GALNTL6: variants seen among roughly 807,000 people sequenced by gnomAD.
GALNTL6 encodes the protein polypeptide N-acetylgalactosaminyltransferase like 6, also known as polypeptide N-acetylgalactosaminyltransferase-like 6.
Under a neutral mutation model 73.7 loss-of-function variants are expected in GALNTL6, and 46 were observed. That is an observed-to-expected ratio of 0.62 (90% CI 0.49 to 0.80). The LOEUF is 0.80. GALNTL6 is among the 30% of genes least tolerant of loss of function. The probability of loss-of-function intolerance (pLI) is 0.00; values close to 1 mark genes in which losing one functional copy is unlikely to be tolerated. For synonymous variants in GALNTL6, 259 were observed against 263.7 expected, an observed-to-expected ratio of 0.98 and a Z score of 0.17; for missense variants, 604 against 755.0, an observed-to-expected ratio of 0.80 and a Z score of 2.34.
At chr4:172,376,105 TG>T (rs1743020594) in intron 5 of GALNTL6, among the ~76,000 whole-genome samples, 1 of 152,190 alleles carries the variant, frequency 6.6e-6, no homozygotes, top group South Asian at 2.1e-4. Flanking sequence ...AACAGGGCTT[TG>T]GGCAAAAATT....
chr4:172,411,886 T>C (rs1489347756), intron 5 of GALNTL6, among the ~76,000 whole-genome samples: 2 of 152,034 alleles, frequency 1.3e-5, no homozygotes, highest in East Asian at 3.9e-4. Flanking sequence ...CCTACTTTCA[T>C]GGCGTTTATA....
chr4:172,279,470 A>G (rs890880035), intron 3 of GALNTL6, among the ~76,000 whole-genome samples: 1 of 152,182 alleles, frequency 6.6e-6, no homozygotes, highest in African/African-American at 2.4e-5. Flanking sequence ...TATGTTCTAC[A>G]TCACTAATCA....
In GALNTL6 at chr4:172,872,039, C is replaced by T. The variant is rs377203177; in HGVS notation, c.924-10751C>T. Among the ~76,000 whole-genome samples the T allele has an allele frequency of 2.2e-4, 34 of 152,234 alleles. No homozygotes were observed. In the East Asian group the frequency reaches 2.3e-3, roughly 10 times the overall value. ...AACTCCTGACCTCAGGTGATTCACC[C>T]TCCTCGGCCTCTCAAAGTGCTGGGA... On this transcript the variant is annotated intron_variant, in intron 7 of 12. Coordinates refer to ENST00000506823, the MANE Select transcript of GALNTL6 (RefSeq NM_001034845.3).
chr4:172,746,391 A>G (rs1409131896), intron 5 of GALNTL6, among the ~76,000 whole-genome samples: 1 of 152,116 alleles, frequency 6.6e-6, no homozygotes, highest in Non-Finnish European at 1.5e-5. Flanking sequence ...ATTAGTAACC[A>G]AAGTATGAAA....
intron 5 of GALNTL6, among the ~76,000 whole-genome samples, chr4:172,685,026 A>AT (rs1732837452): frequency 6.6e-6 from 1 of 152,208 alleles, no homozygotes; most frequent in Admixed American, 6.5e-5. Flanking sequence ...CATATTGTAA[A>AT]TACCTACAGC....
At chr4:172,821,968 A>C (rs1741957253) in intron 7 of GALNTL6, among the ~76,000 whole-genome samples, 1 of 152,120 alleles carries the variant, frequency 6.6e-6, no homozygotes, top group Non-Finnish European at 1.5e-5. Context: ...CCCAGTCTCC[A>C]GGGAAATCAC....
chr4:172,664,263 C>G (rs1731540033), intron 5 of GALNTL6, among the ~76,000 whole-genome samples: 1 of 152,176 alleles, frequency 6.6e-6, no homozygotes, highest in Non-Finnish European at 1.5e-5. Context: ...GTCCTTCAAT[C>G]TGGAATGTAT....
At chr4:172,643,030 A>T (rs1383319089) in intron 5 of GALNTL6, among the ~76,000 whole-genome samples, 1 of 151,870 alleles carries the variant, frequency 6.6e-6, no homozygotes, top group Non-Finnish European at 1.5e-5. Context: ...CTTAGAAAAA[A>T]AAATAGATAT....
intron 5 of GALNTL6, among the ~76,000 whole-genome samples, chr4:172,615,853 A>G (rs1300027867): frequency 6.6e-6 from 1 of 152,206 alleles, no homozygotes; most frequent in East Asian, 1.9e-4. Flanking sequence ...AAGGTAAGAC[A>G]ATCAATTTAG....
At chr4:172,003,636 A>G (rs556314727) in intron 2 of GALNTL6, among the ~76,000 whole-genome samples, 1 of 152,274 alleles carries the variant, frequency 6.6e-6, no homozygotes, top group South Asian at 2.1e-4. Context: ...ATGTCAGATA[A>G]TTCTTTAAAA....
At chr4:172,326,150 CA>C (rs2111172250) in intron 4 of GALNTL6, among the ~76,000 whole-genome samples, 1 of 151,718 alleles carries the variant, frequency 6.6e-6, no homozygotes, top group African/African-American at 2.4e-5. Context: ...TTTAAATGAA[CA>C]AAAATAAAGT....
chr4:172,182,022 C>T (rs1735263859), intron 2 of GALNTL6, among the ~76,000 whole-genome samples: 1 of 152,056 alleles, frequency 6.6e-6, no homozygotes, highest in Non-Finnish European at 1.5e-5. Context: ...CGGCCTTCAG[C>T]CCCAAATCTT....
chr4:173,039,063 A>G (rs570841965), intron 12 of GALNTL6, among the ~76,000 whole-genome samples: 1 of 152,354 alleles, frequency 6.6e-6, no homozygotes, highest in South Asian at 2.1e-4. Context: ...AACACAATTA[A>G]AAGAGGGTGT....
chr4:172,990,317 TA>T (rs1281685741), intron 10 of GALNTL6, among the ~76,000 whole-genome samples: 1 of 152,204 alleles, frequency 6.6e-6, no homozygotes, highest in Non-Finnish European at 1.5e-5. Context: ...GAGAAAGAAA[TA>T]TTTTTTTAAT....
chr4:172,380,320 T>C (rs2111280760), intron 5 of GALNTL6: 2 of 732,824 alleles, frequency 2.7e-6, no homozygotes, highest in South Asian at 1.3e-5. Context: ...CTGGAAGAAA[T>C]AGTCCAAGTT....
intron 3 of GALNTL6, among the ~76,000 whole-genome samples, chr4:172,272,641 G>A (rs147268202): frequency 1.3e-5 from 2 of 152,280 alleles, no homozygotes; most frequent in East Asian, 3.9e-4. Flanking sequence ...ATTTCTTTCA[G>A]TATGCTTCCT....
intron 8 of GALNTL6, among the ~76,000 whole-genome samples, chr4:172,911,542 C>T (rs975987569): frequency 3.3e-5 from 5 of 152,102 alleles, no homozygotes; most frequent in African/African-American, 9.7e-5. Context: ...GGAATTTTTT[C>T]CTACAGTATT....
intron 8 of GALNTL6, among the ~76,000 whole-genome samples, chr4:172,890,661 T>C (rs868851458): frequency 1.4e-4 from 21 of 152,312 alleles, no homozygotes; most frequent in African/African-American, 5.1e-4. Context: ...GAGGGATGTA[T>C]ATTCTGTGGC....
At chr4:172,154,432 A>G (rs1394415861) in intron 2 of GALNTL6, among the ~76,000 whole-genome samples, 1 of 152,070 alleles carries the variant, frequency 6.6e-6, no homozygotes, top group Non-Finnish European at 1.5e-5. Context: ...GGGCTTCTCC[A>G]TGTTGGTCAG....
Sources: allele counts gnomAD v4.1 joint callset (sites outside exome capture counted in the v4.1 genomes callset), GRCh38; gene constraint gnomAD v4.1.1; transcripts MANE v1.5; gene names NCBI Gene and HGNC (gene_info 2026-07-23, HGNC 2026-07-21).